The following UPRT variants were observed in gnomAD, a reference collection of about 807,000 sequenced individuals.
UPRT encodes the protein RP11-311P8.3.
A neutral mutation model predicts 22.6 loss-of-function variants in UPRT; 5 were observed. That is an observed-to-expected ratio of 0.22 (90% CI 0.12 to 0.47). The LOEUF (loss-of-function observed/expected upper bound fraction) is 0.47. UPRT is among the 20% of genes least tolerant of loss of function. The pLI is 0.99. For missense variants in UPRT, 181 were observed against 239.9 expected (o/e 0.75, Z 1.62); for synonymous variants, 77 against 87.7 (o/e 0.88, Z 0.68).
chrX:75,172,772 T>C (rs748040111), intron 4 of UPRT, among the ~76,000 whole-genome samples: 17 of 110,436 alleles, frequency 1.5e-4, no homozygotes, highest in African/African-American at 5.3e-4. Flanking sequence ...TTGGAGTTGT[T>C]TTTTCCTCCC....
Position 75,252,262 on chromosome X carries a change from A to T in UPRT, c.-446-38762A>T, listed in dbSNP as rs551454597. Among the ~76,000 whole-genome samples, 15 of 112,245 alleles carry T rather than the reference A, an allele frequency of 1.3e-4. No homozygotes were observed. The South Asian group carries it at 5.6e-3, about 42-fold the overall frequency. On this transcript the variant is annotated intron_variant, in intron 4 of 13. Coordinates refer to the UPRT transcript ENST00000652605. ...CTGCACAACAAAAGAAACTACCATC[A>T]GAGTGAACAGGTAACCTACAGAATG...
At chrX:75,246,127 T>C (rs955697566) in intron 4 of UPRT, among the ~76,000 whole-genome samples, 1 of 110,763 alleles carries the variant, frequency 9.0e-6, no homozygotes, top group African/African-American at 3.3e-5. Context: ...TATTATACTT[T>C]AAGTTCTAGG....
At chrX:75,173,422 C>T (rs998816047) in intron 4 of UPRT, among the ~76,000 whole-genome samples, 4 of 111,789 alleles carry the variant, frequency 3.6e-5, no homozygotes, top group African/African-American at 1.3e-4. Flanking sequence ...TCGATTGGTA[C>T]ACTCACAAAC....
intron 1 of UPRT, among the ~76,000 whole-genome samples, chrX:75,292,082 A>G (rs2082710292): frequency 8.9e-6 from 1 of 111,998 alleles, no homozygotes; most frequent in Non-Finnish European, 1.9e-5. Context: ...GTCTCCTATA[A>G]TATATAACAC....
intron 4 of UPRT, among the ~76,000 whole-genome samples, chrX:75,231,407 A>C (rs1318499003): frequency 1.8e-5 from 2 of 112,501 alleles, no homozygotes; most frequent in African/African-American, 6.4e-5. Context: ...AGCAAAGGAA[A>C]AAGAATTAAA....
intron 4 of UPRT, among the ~76,000 whole-genome samples, chrX:75,191,699 G>T (rs751392302): frequency 8.9e-6 from 1 of 112,239 alleles, no homozygotes; most frequent in East Asian, 2.8e-4. Flanking sequence ...CCACCTTGCA[G>T]TTGGATCTCA....
At chrX:75,203,146 C>T (rs1342966661) in intron 4 of UPRT, among the ~76,000 whole-genome samples, 1 of 111,295 alleles carries the variant, frequency 9.0e-6, no homozygotes, top group African/African-American at 3.3e-5. Context: ...GGGTTGCAAT[C>T]CTAGTTTCTG....
chrX:75,190,881 A>G (rs902964246), intron 4 of UPRT, among the ~76,000 whole-genome samples: 2 of 107,133 alleles, frequency 1.9e-5, no homozygotes, highest in Non-Finnish European at 3.9e-5. Flanking sequence ...CCATTTGTCT[A>G]TTTTTTTTTC....
At chrX:75,178,979 A>G (rs1333171190) in intron 4 of UPRT, among the ~76,000 whole-genome samples, 2 of 111,494 alleles carry the variant, frequency 1.8e-5, no homozygotes, top group Non-Finnish European at 3.8e-5. Context: ...TGGTGCGTTT[A>G]CAATCCCTGA....
intron 4 of UPRT, among the ~76,000 whole-genome samples, chrX:75,267,959 C>T (rs1358179640): frequency 9.0e-6 from 1 of 111,217 alleles, no homozygotes; most frequent in African/African-American, 3.3e-5. Context: ...CAAAAAAAAT[C>T]AATGAATCCA....
chrX:75,226,607 T>C (rs931023725), intron 4 of UPRT, among the ~76,000 whole-genome samples: 1 of 111,240 alleles, frequency 9.0e-6, no homozygotes, highest in Non-Finnish European at 1.9e-5. Context: ...AGAAATACTT[T>C]CCCGAGATTG....
intron 4 of UPRT, among the ~76,000 whole-genome samples, chrX:75,237,878 G>A (rs1401569695): frequency 1.8e-5 from 2 of 108,581 alleles, no homozygotes; most frequent in Non-Finnish European, 3.8e-5. Context: ...CAGCGCACTA[G>A]CATGGCACAT....
At chrX:75,268,156 A>G (rs1322316099) in intron 4 of UPRT, among the ~76,000 whole-genome samples, 2 of 111,925 alleles carry the variant, frequency 1.8e-5, no homozygotes, top group Non-Finnish European at 3.8e-5. Flanking sequence ...TAGAAAATCT[A>G]GAAGAAATGA....
At chrX:75,159,761 T>G (rs918104974) in intron 1 of UPRT, among the ~76,000 whole-genome samples, 6 of 99,554 alleles carry the variant, frequency 6.0e-5, no homozygotes, top group African/African-American at 2.1e-4. Context: ...TTTATGATAC[T>G]TGCCTTAAAT....
chrX:75,223,088 G>C (rs1044754159), intron 4 of UPRT, among the ~76,000 whole-genome samples: 3 of 109,693 alleles, frequency 2.7e-5, no homozygotes, highest in Non-Finnish European at 3.8e-5. Context: ...TTCCCTTCAA[G>C]GCATTGGGTT....
intron 4 of UPRT, among the ~76,000 whole-genome samples, chrX:75,232,898 C>T (rs1422656043): frequency 2.2e-4 from 24 of 111,542 alleles, no homozygotes; most frequent in African/African-American, 6.8e-4. Flanking sequence ...TCCAAAGGAA[C>T]GCAGTTCCTC....
chrX:75,191,610 C>G (rs758047543), intron 4 of UPRT, among the ~76,000 whole-genome samples: 72 of 112,277 alleles, frequency 6.4e-4, no homozygotes, highest in Admixed American at 4.6e-3. Flanking sequence ...GTGGGCTCCA[C>G]CCAGTTCGAG....
intron 4 of UPRT, among the ~76,000 whole-genome samples, chrX:75,252,734 C>T (rs2082535633): frequency 1.8e-5 from 2 of 112,275 alleles, no homozygotes; most frequent in Admixed American, 1.9e-4. Context: ...TATAAAGACA[C>T]ATGCACACAT....
intron 6 of UPRT, among the ~76,000 whole-genome samples, chrX:75,301,704 G>C (rs1358539132): frequency 9.0e-6 from 1 of 111,643 alleles, no homozygotes; most frequent in East Asian, 2.8e-4. Flanking sequence ...AATGTACATG[G>C]TAAATGTAAA....
Sources: allele counts gnomAD v4.1 joint callset (sites outside exome capture counted in the v4.1 genomes callset), GRCh38; gene constraint gnomAD v4.1.1; transcripts MANE v1.5; gene names NCBI Gene and HGNC (gene_info 2026-07-23, HGNC 2026-07-21).